The following TOP6BL variants were observed in gnomAD, a reference collection of about 807,000 sequenced individuals.
TOP6BL encodes TOP6B like initiator of meiotic double strand breaks.
the TOP6BL span, among the ~76,000 whole-genome samples, chr11:66,771,068 T>A: frequency 6.6e-6 from 1 of 152,140 alleles, no homozygotes. Context: ...TCTCATAGTG[T>A]ATATTTCAAA....
the TOP6BL span, chr11:66,756,642 C>A: frequency 1.4e-6 from 1 of 690,684 alleles, no homozygotes; most frequent in Non-Finnish European, 1.8e-6. Context: ...CTGTAAAATA[C>A]ATATTTTAAA....
At chr11:66,752,412 T>C in the TOP6BL span, among the ~76,000 whole-genome samples, 1 of 152,166 alleles carries the variant, frequency 6.6e-6, no homozygotes, top group Admixed American at 6.5e-5. Context: ...TTACTCTGTA[T>C]GTGACCTGTT....
At chr11:66,773,434 A>G in the TOP6BL span, among the ~76,000 whole-genome samples, 3 of 152,072 alleles carry the variant, frequency 2.0e-5, no homozygotes, top group East Asian at 5.8e-4. Context: ...GGTTATTGAC[A>G]TAAAATTGTT....
chr11:66,821,224 GATTTA>G, the TOP6BL span, among the ~76,000 whole-genome samples: 1 of 151,968 alleles, frequency 6.6e-6, no homozygotes, highest in African/African-American at 2.4e-5. Flanking sequence ...CTCAGTATTG[GATTTA>G]AAAGAAATTC....
chr11:66,811,502 A>G, the TOP6BL span, among the ~76,000 whole-genome samples: 1 of 152,184 alleles, frequency 6.6e-6, no homozygotes, highest in Non-Finnish European at 1.5e-5. Flanking sequence ...TATACTCTTC[A>G]TATTTCTTAT....
At chr11:66,772,628 G>A in the TOP6BL span, among the ~76,000 whole-genome samples, 1 of 152,170 alleles carries the variant, frequency 6.6e-6, no homozygotes, top group African/African-American at 2.4e-5. Flanking sequence ...AAATTAGCTG[G>A]GTGTGGTGGT....
the TOP6BL span, among the ~76,000 whole-genome samples, chr11:66,775,962 G>T: frequency 6.6e-6 from 1 of 151,328 alleles, no homozygotes; most frequent in Admixed American, 6.6e-5. Context: ...TTATTAATTT[G>T]GATAATTTAT....
chr11:66,809,699 A>G, the TOP6BL span, among the ~76,000 whole-genome samples: 2 of 152,244 alleles, frequency 1.3e-5, no homozygotes, highest in East Asian at 3.9e-4. Flanking sequence ...GTGAGTGTAA[A>G]TTCAGAGAAA....
the TOP6BL span, chr11:66,843,205 G>C: frequency 1.2e-6 from 2 of 1,610,736 alleles, no homozygotes; most frequent in African/African-American, 2.7e-5. Flanking sequence ...CAACCTGTCA[G>C]AGTGGCTGAG....
the TOP6BL span, among the ~76,000 whole-genome samples, chr11:66,834,036 T>C: frequency 9.2e-5 from 14 of 152,246 alleles, no homozygotes; most frequent in Middle Eastern, 3.4e-3. Flanking sequence ...GCCCAATTAA[T>C]TTGGCATATG....
chr11:66,750,830 G>T, the TOP6BL span, among the ~76,000 whole-genome samples: 4 of 151,706 alleles, frequency 2.6e-5, no homozygotes, highest in East Asian at 7.8e-4. Flanking sequence ...CTCCTGAGTA[G>T]CTAGGACTAC....
chr11:66,817,690 G>A, the TOP6BL span, among the ~76,000 whole-genome samples: 1 of 151,994 alleles, frequency 6.6e-6, no homozygotes, highest in African/African-American at 2.4e-5. Flanking sequence ...ACCCGCCTCA[G>A]CCCCCCAAAG....
chr11:66,786,555 T>C, the TOP6BL span, among the ~76,000 whole-genome samples: 1 of 152,214 alleles, frequency 6.6e-6, no homozygotes. Flanking sequence ...CCCAAATATC[T>C]ACACAATTTA....
At chr11:66,746,644 G>A in the TOP6BL span, among the ~76,000 whole-genome samples, 1 of 152,118 alleles carries the variant, frequency 6.6e-6, no homozygotes, top group Admixed American at 6.5e-5. Context: ...AACCCAGGGG[G>A]CGGAGGTTGC....
chr11:66,795,709 T>G, the TOP6BL span, among the ~76,000 whole-genome samples: 1 of 152,120 alleles, frequency 6.6e-6, no homozygotes, highest in South Asian at 2.1e-4. Flanking sequence ...GTGATTTTTT[T>G]TTTTTCAAGA....
the TOP6BL span, chr11:66,843,345 C>G: frequency 5.4e-6 from 8 of 1,469,206 alleles, no homozygotes; most frequent in Non-Finnish European, 7.2e-6. Context: ...GCGTCTGCTT[C>G]CGCGTCGGGC....
At chr11:66,828,204 G>T in the TOP6BL span, 1 of 1,178,832 alleles carries the variant, frequency 8.5e-7, no homozygotes, top group Non-Finnish European at 1.3e-6. Flanking sequence ...CTTTCTGTGA[G>T]AACTTTCCCC....
the TOP6BL span, among the ~76,000 whole-genome samples, chr11:66,833,812 T>C: frequency 6.6e-6 from 1 of 151,896 alleles, no homozygotes; most frequent in African/African-American, 2.4e-5. Flanking sequence ...GCCAGGCCTG[T>C]TGGCACACCC....
chr11:66,791,275 C>A, the TOP6BL span, among the ~76,000 whole-genome samples: 1 of 152,140 alleles, frequency 6.6e-6, no homozygotes, highest in African/African-American at 2.4e-5. Context: ...TGTGTTTATG[C>A]CCACAGCTAG....
Sources: gnomAD v4.1 joint callset for allele counts (sites outside exome capture counted in the v4.1 genomes callset) on GRCh38, gnomAD v4.1.1 for gene constraint, MANE v1.5 for transcripts, NCBI Gene and HGNC (gene_info 2026-07-23, HGNC 2026-07-21) for gene names.